The following XKR6 variants were observed in gnomAD, a reference collection of about 807,000 sequenced individuals.
XKR6 encodes XK-related protein 6.
In XKR6, 22 loss-of-function variants were observed where a neutral mutation model predicts 56.7. The observed-to-expected ratio is 0.39, with a 90% CI of 0.28 to 0.55. The LOEUF is 0.55. Among genes scored for constraint, XKR6 ranks in the 20% least tolerant of loss-of-function variants. The pLI is 0.66. For synonymous variants in XKR6, 524 were observed against 387.8 expected (o/e 1.35, Z -4.13); for missense variants, 852 against 889.0 (o/e 0.96, Z 0.53).
chr8:11,147,219 G>C (rs929800234), intron 1 of XKR6, among the ~76,000 whole-genome samples: 2 of 152,092 alleles, frequency 1.3e-5, no homozygotes, highest in East Asian at 1.9e-4. Context: ...AACTTATCAA[G>C]TTGTATAAAT....
In XKR6 at chr8:11,124,098, A is replaced by G. The variant is rs965758059; in HGVS notation, c.764+76478T>C. The G allele has an allele frequency of 1.4e-5, 6 of 430,416 alleles. No individual in the cohort carries two copies. In the East Asian group the frequency reaches 3.6e-4, roughly 26 times the overall value. The allele number at this position is 430,416 out of a possible 1,614,324, so 26.7% of individuals were successfully genotyped here. On this transcript the variant is annotated intron_variant, in intron 1 of 2. Coordinates refer to ENST00000416569, the MANE Select transcript of XKR6 (RefSeq NM_173683.4). ...GCACGATTTCCTACTAACATACTATATTTTTACTTATTTACTTTATCTTCC... is the reference window on the plus strand; with the variant it reads ...GCACGATTTCCTACTAACATACTATGTTTTTACTTATTTACTTTATCTTCC...
intron 1 of XKR6, among the ~76,000 whole-genome samples, chr8:11,032,315 C>T (rs1799011367): frequency 6.6e-6 from 1 of 152,038 alleles, no homozygotes; most frequent in South Asian, 2.1e-4. Context: ...TTCTTTTTGC[C>T]TTCTATGTGT....
At chr8:10,901,896 C>T (rs142217587) in intron 2 of XKR6, among the ~76,000 whole-genome samples, 13 of 152,254 alleles carry the variant, frequency 8.5e-5, no homozygotes, top group Admixed American at 1.3e-4. Context: ...ACATTGGCCC[C>T]GTTCACACCA....
At chr8:11,153,489 A>G (rs1801358694) in intron 1 of XKR6, among the ~76,000 whole-genome samples, 1 of 152,270 alleles carries the variant, frequency 6.6e-6, no homozygotes, top group Non-Finnish European at 1.5e-5. Context: ...TCAATATAAA[A>G]GTAATAACAT....
chr8:10,945,498 A>T (rs1323084265), intron 1 of XKR6, among the ~76,000 whole-genome samples: 1 of 152,164 alleles, frequency 6.6e-6, no homozygotes, highest in Non-Finnish European at 1.5e-5. Context: ...TAAATAAATA[A>T]AAATGAAAAG....
intron 1 of XKR6, among the ~76,000 whole-genome samples, chr8:10,990,551 T>C (rs906831015): frequency 2.0e-5 from 3 of 152,192 alleles, no homozygotes; most frequent in Non-Finnish European, 4.4e-5. Context: ...TGGAAGATAC[T>C]AAGAGTGTGG....
chr8:10,921,401 G>A (rs1311084376), intron 2 of XKR6, among the ~76,000 whole-genome samples: 1 of 152,176 alleles, frequency 6.6e-6, no homozygotes, highest in Non-Finnish European at 1.5e-5. Flanking sequence ...ATGGCGGGTG[G>A]TACCATGAGG....
At chr8:10,912,886 G>T (rs536064396) in intron 2 of XKR6, among the ~76,000 whole-genome samples, 1 of 150,802 alleles carries the variant, frequency 6.6e-6, no homozygotes, top group African/African-American at 2.4e-5. Context: ...AAGAGGGTGT[G>T]TGTGTTTATA....
intron 1 of XKR6, among the ~76,000 whole-genome samples, chr8:10,995,832 CA>C (rs1798099744): frequency 1.3e-5 from 2 of 152,172 alleles, no homozygotes; most frequent in South Asian, 4.1e-4. Context: ...CCAGAGGCTG[CA>C]AATGTGAGAG....
At chr8:11,088,435 T>C (rs954055414) in intron 1 of XKR6, among the ~76,000 whole-genome samples, 13 of 152,196 alleles carry the variant, frequency 8.5e-5, no homozygotes, top group Non-Finnish European at 2.9e-5. Context: ...ACGTTACTCA[T>C]TTTTTGTGGC....
At chr8:11,093,919 G>T (rs1233094744) in intron 1 of XKR6, among the ~76,000 whole-genome samples, 1 of 151,694 alleles carries the variant, frequency 6.6e-6, no homozygotes, top group South Asian at 2.1e-4. Flanking sequence ...AAGTAGCTGG[G>T]ACTACAGGTG....
At chr8:11,082,278 C>T (rs1039028281) in intron 1 of XKR6, among the ~76,000 whole-genome samples, 1 of 152,214 alleles carries the variant, frequency 6.6e-6, no homozygotes, top group Non-Finnish European at 1.5e-5. Flanking sequence ...GGAACATCTC[C>T]CAAAGTCTAC....
intron 2 of XKR6, among the ~76,000 whole-genome samples, chr8:10,901,244 C>T (rs1018557783): frequency 2.0e-5 from 3 of 151,952 alleles, no homozygotes; most frequent in Non-Finnish European, 2.9e-5. Flanking sequence ...TTAGTAGAGA[C>T]AGGATTTCAC....
At chr8:11,076,251 G>A (rs1800271162) in intron 1 of XKR6, among the ~76,000 whole-genome samples, 1 of 152,230 alleles carries the variant, frequency 6.6e-6, no homozygotes, top group Non-Finnish European at 1.5e-5. Context: ...TTTAATGGGT[G>A]TGGATTTTTA....
At chr8:10,906,697 G>A (rs910253449) in intron 2 of XKR6, among the ~76,000 whole-genome samples, 1 of 152,214 alleles carries the variant, frequency 6.6e-6, no homozygotes, top group African/African-American at 2.4e-5. Context: ...TCCACAAGGA[G>A]TCACTTTAAT....
chr8:11,018,729 G>A (rs563069616), intron 1 of XKR6, among the ~76,000 whole-genome samples: 1 of 152,240 alleles, frequency 6.6e-6, no homozygotes, highest in Admixed American at 6.5e-5. Flanking sequence ...GATTCTTCCT[G>A]AAACATGGTC....
intron 1 of XKR6, among the ~76,000 whole-genome samples, chr8:11,076,067 C>T (rs1399697147): frequency 6.6e-6 from 1 of 152,198 alleles, no homozygotes; most frequent in African/African-American, 2.4e-5. Context: ...CTGGCACACA[C>T]TACAACACGG....
intron 2 of XKR6, among the ~76,000 whole-genome samples, chr8:10,915,545 G>A (rs538747568): frequency 4.0e-5 from 6 of 151,216 alleles, no homozygotes; most frequent in African/African-American, 4.9e-5. Flanking sequence ...CCTCCCTCTC[G>A]CCATTGGTCG....
chr8:10,900,120 G>A (rs1452517666), intron 2 of XKR6, among the ~76,000 whole-genome samples: 1 of 152,088 alleles, frequency 6.6e-6, no homozygotes, highest in Non-Finnish European at 1.5e-5. Context: ...GCCGAATGCT[G>A]TCCCACTGGC....
Sources: gnomAD v4.1 joint callset for allele counts (sites outside exome capture counted in the v4.1 genomes callset) on GRCh38, gnomAD v4.1.1 for gene constraint, MANE v1.5 for transcripts, NCBI Gene and HGNC (gene_info 2026-07-23, HGNC 2026-07-21) for gene names.